The following DIAPH2 variants were observed in gnomAD, a reference collection of about 807,000 sequenced individuals.
DIAPH2 encodes the protein protein diaphanous homolog 2.
In DIAPH2, 35 loss-of-function variants were observed where a neutral mutation model predicts 92.7. The ratio of observed to expected loss-of-function variants is 0.38; its 90% CI spans 0.29 to 0.50. DIAPH2 has a LOEUF of 0.50. Ranked by LOEUF, DIAPH2 falls within the 20% of genes least tolerant of loss-of-function variation. The pLI is 0.94. For missense variants in DIAPH2, 701 were observed against 819.5 expected (o/e 0.86, Z 1.77); for synonymous variants, 301 against 280.4 (o/e 1.07, Z -0.73).
At chrX:97,203,736 A>G (rs2067772449) in intron 22 of DIAPH2, among the ~76,000 whole-genome samples, 1 of 111,859 alleles carries the variant, frequency 8.9e-6, no homozygotes, top group South Asian at 3.8e-4. Context: ...GAATTCTACC[A>G]GAGGTACAAA....
At chrX:97,563,965 C>G (rs1251454210) in intron 26 of DIAPH2, among the ~76,000 whole-genome samples, 1 of 112,071 alleles carries the variant, frequency 8.9e-6, no homozygotes, top group East Asian at 2.8e-4. Context: ...GTCCTCCAGA[C>G]AGGATGAATT....
At chrX:97,047,360 G>A (rs1324387383) in intron 17 of DIAPH2, among the ~76,000 whole-genome samples, 1 of 109,090 alleles carries the variant, frequency 9.2e-6, no homozygotes, top group Non-Finnish European at 1.9e-5. Flanking sequence ...CAGTTTAAGT[G>A]GAATGACATT....
chrX:97,371,364 C>G (rs1247337577), intron 24 of DIAPH2, among the ~76,000 whole-genome samples: 1 of 111,344 alleles, frequency 9.0e-6, no homozygotes, highest in Admixed American at 9.6e-5. Flanking sequence ...TTGTGGAATT[C>G]AGGCAATATG....
At chrX:97,279,707 C>A (rs915197447) in intron 23 of DIAPH2, among the ~76,000 whole-genome samples, 1 of 111,588 alleles carries the variant, frequency 9.0e-6, no homozygotes, top group African/African-American at 3.3e-5. Context: ...TGGGGTTGCT[C>A]CCCCTTACCA....
intron 21 of DIAPH2, among the ~76,000 whole-genome samples, chrX:97,127,541 G>A (rs1341433688): frequency 4.5e-5 from 5 of 112,217 alleles, no homozygotes; most frequent in Admixed American, 3.8e-4. Flanking sequence ...AAAAGTGTAC[G>A]AGAAAGGCTA....
rs763042811 is a variant in DIAPH2, at chrX:96,962,420, CATAT to C, written c.1936-2667_1936-2664del. On this transcript the variant is annotated intron_variant, in intron 16 of 26. Transcript: ENST00000324765. ...ATATATATACACATATATATATACA[CATAT>C]ATATACATATATATATACATATATA... 1.2e-3 allele frequency among the ~76,000 whole-genome samples: 72 copies of C among 60,161 alleles called. 9 individuals are homozygous for C. The highest frequency in any genetic ancestry group is 5.4e-3 in the African/African-American group (69 of 12,758). The allele number at this position is 60,161 out of a possible 115,157, so 52.2% of individuals were successfully genotyped here.
chrX:96,892,533 G>A (rs2065314333), intron 5 of DIAPH2, among the ~76,000 whole-genome samples: 1 of 111,533 alleles, frequency 9.0e-6, no homozygotes, highest in Non-Finnish European at 1.9e-5. Flanking sequence ...TGACTAAGTT[G>A]ATACCATATA....
At chrX:97,367,869 A>AT (rs763522519) in intron 24 of DIAPH2, among the ~76,000 whole-genome samples, 202 of 110,163 alleles carry the variant, frequency 1.8e-3, no homozygotes, top group African/African-American at 6.4e-3. Context: ...GGCCCAGCTA[A>AT]TTTTTTTTGT....
At chrX:97,083,914 C>A (rs189152489) in intron 19 of DIAPH2, among the ~76,000 whole-genome samples, 1 of 111,216 alleles carries the variant, frequency 9.0e-6, no homozygotes, top group African/African-American at 3.3e-5. Context: ...ATTCCTGTTA[C>A]GTTGCAAATA....
intron 1 of DIAPH2, among the ~76,000 whole-genome samples, chrX:96,689,119 C>T (rs2063786371): frequency 9.2e-6 from 1 of 108,633 alleles, no homozygotes; most frequent in African/African-American, 3.4e-5. Context: ...GAAAGGCATT[C>T]TAGGTTGAAA....
chrX:96,826,298 TC>T (rs2064815544), intron 4 of DIAPH2, among the ~76,000 whole-genome samples: 2 of 109,948 alleles, frequency 1.8e-5, no homozygotes. Flanking sequence ...ATACGTGTAA[TC>T]CCAGCTACTT....
intron 17 of DIAPH2, among the ~76,000 whole-genome samples, chrX:96,988,281 G>C (rs776576671): frequency 9.0e-6 from 1 of 110,652 alleles, no homozygotes; most frequent in Non-Finnish European, 1.9e-5. Flanking sequence ...ATAAAATACA[G>C]TAATATGATG....
chrX:97,503,390 A>G (rs2070811644), intron 26 of DIAPH2, among the ~76,000 whole-genome samples: 1 of 111,944 alleles, frequency 8.9e-6, no homozygotes, highest in Non-Finnish European at 1.9e-5. Flanking sequence ...TTCTGCTGAC[A>G]AAAGTATAGG....
intron 25 of DIAPH2, among the ~76,000 whole-genome samples, chrX:97,415,170 T>G (rs1371020688): frequency 8.9e-6 from 1 of 112,017 alleles, no homozygotes; most frequent in East Asian, 2.8e-4. Context: ...CTCACACCAG[T>G]TAGAATGGCG....
rs761181631 is a variant in DIAPH2 at position 97,600,860 on chromosome X, G to C, written c.*1543G>C. 11 of 112,213 alleles carry C rather than the reference G, an allele frequency of 9.8e-5. No homozygotes were observed. In the South Asian group the frequency reaches 4.1e-3, roughly 41 times the overall value. The allele number at this position is 112,213 out of a possible 1,213,427, so 9.2% of individuals were successfully genotyped here. On this transcript the variant is annotated 3_prime_UTR_variant, in exon 27 of 27. Transcript: ENST00000324765. Reference sequence around the variant, plus strand: ...GTAAACAAGTGACCAGCAGCCCACAGATGATTCCTTTATATAGATGTATAA... The same window carrying C: ...GTAAACAAGTGACCAGCAGCCCACACATGATTCCTTTATATAGATGTATAA...
intron 25 of DIAPH2, among the ~76,000 whole-genome samples, chrX:97,396,523 T>G (rs2069706059): frequency 9.0e-6 from 1 of 110,543 alleles, no homozygotes; most frequent in African/African-American, 3.3e-5. Flanking sequence ...ACTACAAAAA[T>G]TAGCTGGGTA....
intron 23 of DIAPH2, among the ~76,000 whole-genome samples, chrX:97,338,900 A>G (rs1056348214): frequency 3.6e-5 from 4 of 111,902 alleles, no homozygotes; most frequent in African/African-American, 9.7e-5. Context: ...TACTTTACCA[A>G]TAGGATCAGT....
rs750769204 is a variant in DIAPH2, at chrX:97,351,544, G to A, written c.3009+3264G>A. On this transcript the variant is annotated intron_variant, in intron 24 of 26. Transcript: ENST00000324765. ...AAAAAGTGACATTAGGGCCCGGCGC[G>A]GTGGCTCACGCCTGTAATCCCAGCA... Among the ~76,000 whole-genome samples the A allele has an allele frequency of 5.3e-4, 59 of 111,750 alleles. 1 individual carries two copies. Among genetic ancestry groups the A allele is most frequent in the African/African-American group, 1.9e-3 (58 of 30,827 alleles).
At chrX:97,373,509 GAA>G (rs2069468387) in intron 24 of DIAPH2, among the ~76,000 whole-genome samples, 1 of 107,625 alleles carries the variant, frequency 9.3e-6, no homozygotes, top group African/African-American at 3.4e-5. Flanking sequence ...CAACAAGGAA[GAA>G]AGAGGAAGTT....
Sources: allele counts gnomAD v4.1 joint callset (sites outside exome capture counted in the v4.1 genomes callset), GRCh38; gene constraint gnomAD v4.1.1; transcripts MANE v1.5; gene names NCBI Gene and HGNC (gene_info 2026-07-23, HGNC 2026-07-21).